Variants in NDRG2 observed in about 807,000 individuals in gnomAD.
The protein encoded by NDRG2 is protein NDRG2.
Under a neutral mutation model 58.2 loss-of-function variants are expected in NDRG2, and 34 were observed. The ratio of observed to expected loss-of-function variants is 0.58; its 90% CI spans 0.44 to 0.78. The LOEUF (loss-of-function observed/expected upper bound fraction) is 0.78, where lower values mean the gene tolerates loss of function less well. Ranked by LOEUF, NDRG2 falls within the 30% of genes least tolerant of loss-of-function variation. The pLI, the probability that NDRG2 is intolerant of heterozygous loss-of-function variation, is 0.00. For missense variants in NDRG2, 434 were observed against 471.2 expected, an observed-to-expected ratio of 0.92 and a Z score of 0.73; for synonymous variants, 187 against 175.9, an observed-to-expected ratio of 1.06 and a Z score of -0.50.
chr14:21,035,875 C>A (rs1393813451), intron 1 of NDRG2: 1 of 455,526 alleles, frequency 2.2e-6, no homozygotes, highest in Non-Finnish European at 4.4e-6. Flanking sequence ...GGGAGGCGGT[C>A]CTGCATGGTG....
rs369663316 is a variant in NDRG2, at chr14:21,018,381, G to A, written c.861+76C>T. The A allele has an allele frequency of 1.2e-4, 189 of 1,607,378 alleles. No homozygotes were observed. In the African/African-American group the frequency reaches 1.4e-3, roughly 12 times the overall value. On this transcript the variant is annotated intron_variant, in intron 13 of 15. Transcript: ENST00000556147. ...CGTTCACCCCATTTGCTCCCATGCC[G>A]GGCCCTGGAGGCTTAGCAGCTGCAT...
intron 1 of NDRG2, among the ~76,000 whole-genome samples, chr14:21,063,927 C>G: frequency 6.6e-6 from 1 of 152,308 alleles, no homozygotes; most frequent in East Asian, 1.9e-4. Flanking sequence ...TCAAAACTCC[C>G]TTACATAGAA....
rs1259046112 is a variant in NDRG2, at chr14:21,021,694, A to C, written c.407+123T>G. On this transcript the variant is annotated intron_variant, in intron 6 of 15. Coordinates refer to ENST00000556147, the MANE Select transcript of NDRG2 (RefSeq NM_001320329.2). ...AATAATCAAGGCGGGAGCATGAAGGAAGAAGATATATTGAGTTCAGAAGCT... is the reference window on the plus strand; with the variant it reads ...AATAATCAAGGCGGGAGCATGAAGGCAGAAGATATATTGAGTTCAGAAGCT... 8.5e-6 allele frequency: 9 copies of C among 1,054,492 alleles called. No individual in the cohort carries two copies. The Admixed American group carries it at 2.1e-4, about 25-fold the overall frequency. The allele number at this position is 1,054,492 out of a possible 1,614,324, so 65.3% of individuals were successfully genotyped here.
At chr14:21,064,832 A>C (rs540329825) in intron 1 of NDRG2, among the ~76,000 whole-genome samples, 1 of 152,200 alleles carries the variant, frequency 6.6e-6, no homozygotes, top group Non-Finnish European at 1.5e-5. Context: ...CTTCTACTAC[A>C]ATAAGCCTAC....
upstream of NDRG2, chr14:21,030,588 T>A: frequency 1.9e-6 from 3 of 1,613,544 alleles, no homozygotes; most frequent in Non-Finnish European, 2.5e-6. Context: ...GACCATGGCA[T>A]CAGAGGCAGA....
chr14:21,032,717 G>A (rs1193525480), intron 1 of NDRG2: 1 of 362,132 alleles, frequency 2.8e-6, no homozygotes, highest in African/African-American at 2.1e-5. Flanking sequence ...ACTGCTAAGG[G>A]TAGCTCAGGA....
At position 21,019,238 on chromosome 14, in the gene NDRG2, G is replaced by A; in HGVS notation, c.717-78C>T. On this transcript the variant is annotated intron_variant, in intron 10 of 15. Coordinates refer to ENST00000556147, the MANE Select transcript of NDRG2 (RefSeq NM_001320329.2). ...AGATATAAGCTATCTCTCCCATGATGGAACTATCTTTGTCTAAAAATTACG... is the reference window on the plus strand; with the variant it reads ...AGATATAAGCTATCTCTCCCATGATAGAACTATCTTTGTCTAAAAATTACG... 3.8e-6 allele frequency: 5 copies of A among 1,312,482 alleles called. No individual in the cohort carries two copies. The Admixed American group carries it at 8.8e-5, about 23-fold the overall frequency. The allele number at this position is 1,312,482 out of a possible 1,614,324, so 81.3% of individuals were successfully genotyped here. A position where few individuals can be genotyped will look rare whatever the true frequency, so the allele number is the denominator to read the frequency against.
chr14:21,068,753 T>TG (rs1407221247), intron 1 of NDRG2, among the ~76,000 whole-genome samples: 1 of 152,192 alleles, frequency 6.6e-6, no homozygotes, highest in Admixed American at 6.5e-5. Context: ...GCGGGGAAGA[T>TG]GGTTACCGGG....
chr14:21,047,800 G>A (rs944548996), intron 1 of NDRG2, among the ~76,000 whole-genome samples: 7 of 152,090 alleles, frequency 4.6e-5, no homozygotes, highest in African/African-American at 1.7e-4. Context: ...TCTCCTAGAA[G>A]GGAGACTATC....
At chr14:21,040,980 GTTGTTTGT>G (rs144685402) in intron 1 of NDRG2, among the ~76,000 whole-genome samples, 13 of 150,688 alleles carry the variant, frequency 8.6e-5, no homozygotes, top group Admixed American at 5.3e-4. Context: ...GTTTTTTGTT[GTTGTTTGT>G]TTGTTTGTTT....
At chr14:21,054,759 G>T (rs1354628205) in intron 1 of NDRG2, among the ~76,000 whole-genome samples, 2 of 152,160 alleles carry the variant, frequency 1.3e-5, no homozygotes, top group Admixed American at 6.5e-5. Flanking sequence ...GTAAAATTGG[G>T]ATAATATTGT....
At chr14:21,030,447 G>C, upstream of NDRG2, 1 of 884,654 alleles carries the variant, frequency 1.1e-6, no homozygotes, top group Non-Finnish European at 1.7e-6. Context: ...AGAGCAACAG[G>C]GAAGAGGGGA....
chr14:21,018,299 G>C (rs1878021648), intron 13 of NDRG2, 60 bp from the exon 14 acceptor site: 2 of 1,610,616 alleles, frequency 1.2e-6, no homozygotes, highest in African/African-American at 2.7e-5. Flanking sequence ...CATGCAGAGA[G>C]GTGGAAAGGG....
At position 21,060,873 on chromosome 14, in the gene NDRG2, C is replaced by T. The variant is rs370111422; in HGVS notation, c.24+9955G>A. Among the ~76,000 whole-genome samples, 11 of 152,300 alleles carry T rather than the reference C, an allele frequency of 7.2e-5. No individual in the cohort carries two copies. The South Asian group carries it at 2.1e-3, about 29-fold the overall frequency. On this transcript the variant is annotated intron_variant, in intron 1 of 14. Transcript: ENST00000403829. Reference sequence around the variant, plus strand: ...TTCTCCAGTAATTGCCCACCTTATCCCAGGAACTACCTCAAGAGGACATAA... The same window carrying T: ...TTCTCCAGTAATTGCCCACCTTATCTCAGGAACTACCTCAAGAGGACATAA...
At chr14:21,044,234 G>T (rs1379174264) in intron 1 of NDRG2, 1 of 165,702 alleles carries the variant, frequency 6.0e-6, no homozygotes. Flanking sequence ...CTCTAGCCAA[G>T]AGATTGTTTA....
chr14:21,059,915 T>C lies in NDRG2; in HGVS notation c.24+10913A>G, dbSNP rs144285671. ...AAAACATACACATATTATACACATA[T>C]ACACACACACATACCTACATACCAA... is the stretch of plus-strand genomic sequence containing the variant. On this transcript the variant is annotated intron_variant, in intron 1 of 14. Coordinates refer to the NDRG2 transcript ENST00000403829. Among the ~76,000 whole-genome samples, 7 of 152,198 alleles carry C rather than the reference T, an allele frequency of 4.6e-5. No individual in the cohort carries two copies. In the East Asian group the frequency reaches 1.3e-3, roughly 29 times the overall value.
chr14:21,026,576 C>T (rs1883661452), upstream of NDRG2, among the ~76,000 whole-genome samples: 1 of 151,634 alleles, frequency 6.6e-6, no homozygotes, highest in Non-Finnish European at 1.5e-5. Context: ...TTCATCCCCA[C>T]TTGGCAGGGT....
intron 1 of NDRG2, among the ~76,000 whole-genome samples, chr14:21,057,636 T>TATATATATATATATATATATATA (rs1885739183): frequency 6.7e-6 from 1 of 148,164 alleles, no homozygotes; most frequent in Non-Finnish European, 1.5e-5. Flanking sequence ...TATATATATA[T>TATATATATATATATATATATATA]GTGAGAAGGT....
chr14:21,049,938 G>A (rs566941901), intron 1 of NDRG2, among the ~76,000 whole-genome samples: 22 of 151,982 alleles, frequency 1.4e-4, no homozygotes, highest in Admixed American at 2.0e-4. Context: ...CACCATGCCC[G>A]GCTAATTTTT....
Sources: gnomAD v4.1 joint callset for allele counts (sites outside exome capture counted in the v4.1 genomes callset) on GRCh38, gnomAD v4.1.1 for gene constraint, MANE v1.5 for transcripts, NCBI Gene and HGNC (gene_info 2026-07-23, HGNC 2026-07-21) for gene names.